NDUFAF2: variants seen among roughly 807,000 people sequenced by gnomAD.
NDUFAF2 encodes the protein NADH dehydrogenase [ubiquinone] 1 alpha subcomplex assembly factor 2.
NDUFAF2 carries 13 observed loss-of-function variants against 22.8 expected under a neutral mutation model. The ratio of observed to expected loss-of-function variants is 0.57; its 90% CI spans 0.37 to 0.91. The LOEUF (loss-of-function observed/expected upper bound fraction) is 0.91. Ranked by LOEUF, NDUFAF2 falls within the 40% of genes least tolerant of loss-of-function variation. NDUFAF2 has a pLI of 0.01. For synonymous variants in NDUFAF2, 53 were observed against 64.2 expected, an observed-to-expected ratio of 0.83 and a Z score of 0.84; for missense variants, 162 against 195.2, an observed-to-expected ratio of 0.83 and a Z score of 1.01.
chr5:60,992,800 C>G (rs564516942), intron 1 of NDUFAF2, among the ~76,000 whole-genome samples: 1 of 152,126 alleles, frequency 6.6e-6, no homozygotes, highest in Admixed American at 6.5e-5. Context: ...ATATGCTATT[C>G]AAGTTTAAAA....
intron 1 of NDUFAF2, among the ~76,000 whole-genome samples, chr5:60,998,174 C>G (rs758054573): frequency 2.0e-5 from 3 of 152,024 alleles, no homozygotes; most frequent in Non-Finnish European, 2.9e-5. Context: ...AATAAATAAA[C>G]CAACAAATTT....
At chr5:61,051,098 G>A (rs1319340896) in intron 1 of NDUFAF2, among the ~76,000 whole-genome samples, 1 of 152,172 alleles carries the variant, frequency 6.6e-6, no homozygotes, top group Non-Finnish European at 1.5e-5. Flanking sequence ...ATATTCAAGT[G>A]TCCAAAAATA....
At chr5:61,131,571 G>A (rs1275600897) in intron 3 of NDUFAF2, among the ~76,000 whole-genome samples, 1 of 151,976 alleles carries the variant, frequency 6.6e-6, no homozygotes, top group Non-Finnish European at 1.5e-5. Context: ...TGTAAAATAT[G>A]AACCATTCTA....
At chr5:60,992,250 C>T (rs908407954) in intron 1 of NDUFAF2, among the ~76,000 whole-genome samples, 1 of 152,114 alleles carries the variant, frequency 6.6e-6, no homozygotes, top group African/African-American at 2.4e-5. Context: ...TGTGGGTTGT[C>T]TCTTCTCTTT....
At chr5:61,004,298 C>A (rs1462307603) in intron 1 of NDUFAF2, among the ~76,000 whole-genome samples, 1 of 152,026 alleles carries the variant, frequency 6.6e-6, no homozygotes, top group Non-Finnish European at 1.5e-5. Flanking sequence ...TGAATTAAAT[C>A]AATGAGTTAG....
At chr5:60,997,185 G>A (rs998116060) in intron 1 of NDUFAF2, among the ~76,000 whole-genome samples, 6 of 152,186 alleles carry the variant, frequency 3.9e-5, no homozygotes, top group Non-Finnish European at 5.9e-5. Flanking sequence ...CATATTAACA[G>A]CAGTAGCCCA....
intron 3 of NDUFAF2, among the ~76,000 whole-genome samples, chr5:61,145,071 C>A (rs745640230): frequency 6.6e-6 from 1 of 152,070 alleles, no homozygotes; most frequent in Non-Finnish European, 1.5e-5. Flanking sequence ...TATAAGTCAG[C>A]ATGTTAGTAG....
chr5:60,949,914 T>G (rs1444043240), intron 1 of NDUFAF2, among the ~76,000 whole-genome samples: 5 of 152,226 alleles, frequency 3.3e-5, no homozygotes, highest in African/African-American at 9.6e-5. Flanking sequence ...CAATAGATTT[T>G]TCCATGTTGA....
chr5:61,152,841 T>C lies in NDUFAF2; in HGVS notation c.396T>C (p.His132=). ...PPPVQTQIKG[H]ASAPYFGKEE... is the part of the protein sequence containing the mutation. The stretch of plus-strand genomic sequence containing the variant: ...CAGTTCAAACTCAAATTAAAGGCCA[T>C]GCCTCTGCTCCATACTTTGGAAAGG... Residue 132 remains histidine, a synonymous_variant, in exon 4 of 4, where the codon CAT becomes CAC. Transcript: ENST00000296597. 1 of 1,608,086 alleles carries C rather than the reference T, an allele frequency of 6.2e-7. No homozygotes were observed. The highest frequency in any genetic ancestry group is 8.5e-7 in the Non-Finnish European group (1 of 1,176,714).
intron 1 of NDUFAF2, among the ~76,000 whole-genome samples, chr5:61,067,194 A>C (rs1480297273): frequency 6.6e-6 from 1 of 152,016 alleles, no homozygotes; most frequent in African/African-American, 2.4e-5. Flanking sequence ...GTTTTAGGGT[A>C]CATGTGCACA....
chr5:60,981,626 A>G (rs1437070887), intron 1 of NDUFAF2, among the ~76,000 whole-genome samples: 1 of 152,194 alleles, frequency 6.6e-6, no homozygotes, highest in Non-Finnish European at 1.5e-5. Context: ...AACTAAAACA[A>G]TTTTTTAAGA....
Position 61,034,669 on chromosome 5 carries a change from A to G in NDUFAF2, c.128-38456A>G, listed in dbSNP as rs964045247. 2.0e-5 allele frequency among the ~76,000 whole-genome samples: 3 copies of G among 152,186 alleles called. No individual in the cohort carries two copies. In the South Asian group the frequency reaches 6.2e-4, roughly 32 times the overall value. ...ACACCATATATTTTTGATACATTAT[A>G]TATGTAATAATTGCCAAAGGAATTT... On this transcript the variant is annotated intron_variant, in intron 1 of 3. Transcript: ENST00000296597.
intron 3 of NDUFAF2, among the ~76,000 whole-genome samples, chr5:61,127,711 G>A (rs976612838): frequency 1.3e-5 from 2 of 152,142 alleles, no homozygotes; most frequent in African/African-American, 2.4e-5. Flanking sequence ...AAAACTGGAA[G>A]CATTCCCTTT....
rs146653531 is a variant in NDUFAF2, at chr5:61,073,073, C to T, written c.128-52C>T. ...CAATATTCAAAGATTAATTGTAGAA[C>T]TACTGTATCATAGGTTCATTTAAAA... On this transcript the variant is annotated intron_variant, in intron 1 of 3. Transcript: ENST00000296597. The T allele has an allele frequency of 7.8e-4, 847 of 1,087,378 alleles. 1 individual carries two copies. Among genetic ancestry groups the T allele is most frequent in the African/African-American group, 4.1e-3 (269 of 64,838 alleles). 67.4% of individuals were successfully genotyped at this position (1,087,378 alleles called of 1,614,324 possible). A position where few individuals can be genotyped will look rare whatever the true frequency, so the allele number is the denominator to read the frequency against.
chr5:61,009,946 T>G (rs1361010445), intron 1 of NDUFAF2, among the ~76,000 whole-genome samples: 1 of 152,114 alleles, frequency 6.6e-6, no homozygotes, highest in African/African-American at 2.4e-5. Flanking sequence ...TGATGCCACT[T>G]CCAGCTAGAT....
intron 1 of NDUFAF2, among the ~76,000 whole-genome samples, chr5:61,046,184 A>G (rs558427222): frequency 3.9e-5 from 6 of 152,198 alleles, no homozygotes; most frequent in Non-Finnish European, 7.4e-5. Flanking sequence ...CATGTGAATG[A>G]TCCTTTTAAT....
intron 1 of NDUFAF2, among the ~76,000 whole-genome samples, chr5:61,063,163 A>T (rs759197132): frequency 8.5e-5 from 13 of 152,058 alleles, no homozygotes; most frequent in Non-Finnish European, 1.5e-4. Flanking sequence ...AGTATTGTAA[A>T]GGTAGTGTGG....
At chr5:61,011,222 A>T (rs967076120) in intron 1 of NDUFAF2, among the ~76,000 whole-genome samples, 6 of 152,008 alleles carry the variant, frequency 3.9e-5, no homozygotes, top group African/African-American at 1.4e-4. Context: ...CCTTATGAGT[A>T]TTTTTGTTAG....
intron 3 of NDUFAF2, among the ~76,000 whole-genome samples, chr5:61,138,836 T>A (rs1741006561): frequency 6.6e-6 from 1 of 152,202 alleles, no homozygotes; most frequent in South Asian, 2.1e-4. Context: ...GTTTCAAGTG[T>A]AGTCTAATTG....
Sources: gnomAD v4.1 joint callset for allele counts (sites outside exome capture counted in the v4.1 genomes callset) on GRCh38, gnomAD v4.1.1 for gene constraint, MANE v1.5 for transcripts, NCBI Gene and HGNC (gene_info 2026-07-23, HGNC 2026-07-21) for gene names.